The following CNBD1 variants were observed in gnomAD, a reference collection of about 807,000 sequenced individuals.
CNBD1 encodes the protein cyclic nucleotide binding domain containing 1, also known as cyclic nucleotide-binding domain-containing protein 1.
CNBD1 carries 71 observed loss-of-function variants against 54.4 expected under a neutral mutation model. The ratio of observed to expected loss-of-function variants is 1.30; its 90% CI spans 1.08 to 1.59. The LOEUF (loss-of-function observed/expected upper bound fraction) is 1.59, where lower values mean the gene tolerates loss of function less well. Among genes scored for constraint, CNBD1 ranks in the 40% most tolerant of loss-of-function variants. CNBD1 has a pLI of 0.00. For synonymous variants in CNBD1, 182 were observed against 170.7 expected (o/e 1.07, Z -0.51); for missense variants, 659 against 518.0 (o/e 1.27, Z -2.64).
At chr8:87,268,680 A>G (rs1808308575) in intron 6 of CNBD1, among the ~76,000 whole-genome samples, 1 of 152,146 alleles carries the variant, frequency 6.6e-6, no homozygotes, top group South Asian at 2.1e-4. Context: ...TTCTCTAATA[A>G]TTAGTAATGA....
chr8:86,966,195 A>G (rs76979709), intron 4 of CNBD1, among the ~76,000 whole-genome samples: 1,818 of 152,250 alleles, frequency 0.012, 30 homozygotes, highest in African/African-American at 0.042. Context: ...GTGGGGGTTC[A>G]CTGGGAACCT....
At chr8:87,263,643 C>T (rs1161623186) in intron 6 of CNBD1, among the ~76,000 whole-genome samples, 3 of 151,950 alleles carry the variant, frequency 2.0e-5, no homozygotes, top group Non-Finnish European at 4.4e-5. Flanking sequence ...AGAAAATAAA[C>T]CAAAAATTAT....
At chr8:87,421,277 AT>A (rs1169004084) in intron 2 of CNBD1, among the ~76,000 whole-genome samples, 25 of 148,672 alleles carry the variant, frequency 1.7e-4, no homozygotes, top group African/African-American at 5.5e-4. Flanking sequence ...TTATTTCTTT[AT>A]TTTTTTATAT....
intron 2 of CNBD1, among the ~76,000 whole-genome samples, chr8:87,401,819 T>C (rs898557286): frequency 1.1e-4 from 17 of 152,018 alleles, no homozygotes; most frequent in African/African-American, 4.1e-4. Context: ...CTTTTCCACA[T>C]TAAGGAACAC....
At chr8:87,124,041 C>A (rs1407771977) in intron 4 of CNBD1, among the ~76,000 whole-genome samples, 1 of 151,560 alleles carries the variant, frequency 6.6e-6, no homozygotes, top group Non-Finnish European at 1.5e-5. Context: ...CTGCTAAATT[C>A]ACTCACACAT....
At chr8:87,385,281 TG>T (rs1340017570), downstream of CNBD1, among the ~76,000 whole-genome samples, 1 of 152,042 alleles carries the variant, frequency 6.6e-6, no homozygotes, top group Non-Finnish European at 1.5e-5. Flanking sequence ...TGCAGGACAG[TG>T]GGTGCAGCGC....
intron 4 of CNBD1, among the ~76,000 whole-genome samples, chr8:87,106,717 C>G (rs1402726825): frequency 2.6e-5 from 4 of 152,116 alleles, no homozygotes; most frequent in Non-Finnish European, 4.4e-5. Flanking sequence ...CTATGTTTTC[C>G]CCAACCTCAC....
intron 4 of CNBD1, among the ~76,000 whole-genome samples, chr8:87,018,415 GGCAAA>G (rs2130572232): frequency 6.6e-6 from 1 of 152,092 alleles, no homozygotes. Flanking sequence ...TTGTTTCAAA[GGCAAA>G]GCATAACACT....
intron 3 of CNBD1, among the ~76,000 whole-genome samples, chr8:86,911,723 T>G (rs1448411885): frequency 6.6e-6 from 1 of 152,090 alleles, no homozygotes; most frequent in African/African-American, 2.4e-5. Context: ...ACCTTAAAGA[T>G]TCCATCAAAA....
intron 2 of CNBD1, among the ~76,000 whole-genome samples, chr8:86,894,688 C>T (rs918376503): frequency 1.3e-5 from 2 of 152,082 alleles, no homozygotes; most frequent in Non-Finnish European, 2.9e-5. Flanking sequence ...TCTCTTCTCC[C>T]TCCCTTCTCC....
At chr8:87,070,214 T>C (rs994013399) in intron 4 of CNBD1, among the ~76,000 whole-genome samples, 1 of 152,132 alleles carries the variant, frequency 6.6e-6, no homozygotes. Flanking sequence ...TCTGGCTGAA[T>C]TGTCATTCTG....
At chr8:86,965,108 A>G (rs1808036377) in intron 4 of CNBD1, among the ~76,000 whole-genome samples, 1 of 152,176 alleles carries the variant, frequency 6.6e-6, no homozygotes. Flanking sequence ...TTAACCTTAT[A>G]TTATATACTT....
chr8:87,400,261 T>C (rs894998377), intron 2 of CNBD1, among the ~76,000 whole-genome samples: 2 of 151,964 alleles, frequency 1.3e-5, no homozygotes, highest in Non-Finnish European at 2.9e-5. Context: ...TTAATGGCAA[T>C]TACTTTTGCA....
chr8:86,894,035 A>ATTTTTTTTTTTTTTTT lies in CNBD1; in HGVS notation c.158+6446_158+6461dup, dbSNP rs869060076. Among the ~76,000 whole-genome samples, 3 of 52,368 alleles carry ATTTTTTTTTTTTTTTT rather than the reference A, an allele frequency of 5.7e-5. 1 individual carries two copies. The highest frequency in any genetic ancestry group is 7.0e-4 in the Admixed American group (2 of 2,862). The allele number at this position is 52,368 out of a possible 152,430, so 34.4% of individuals were successfully genotyped here. A position where few individuals can be genotyped will look rare whatever the true frequency, so the allele number is the denominator to read the frequency against. On this transcript the variant is annotated intron_variant, in intron 2 of 10. Transcript: ENST00000518476. Reference sequence around the variant, plus strand: ...TTTATTCATATATTTTAATAGATTAATTTTTTTTTTTTTTTTTTTTTTTTT... The same window carrying ATTTTTTTTTTTTTTTT: ...TTTATTCATATATTTTAATAGATTAATTTTTTTTTTTTTTTTTTTTTTTTTTTTTTTTTTTTTTTTT...
chr8:87,303,426 C>A (rs1383661931), intron 8 of CNBD1, among the ~76,000 whole-genome samples: 4 of 151,692 alleles, frequency 2.6e-5, no homozygotes, highest in Non-Finnish European at 5.9e-5. Context: ...GGAAAACTGG[C>A]TAGCCATATG....
intron 1 of CNBD1, among the ~76,000 whole-genome samples, chr8:86,870,387 C>T (rs112928845): frequency 2.0e-4 from 30 of 151,522 alleles, no homozygotes; most frequent in African/African-American, 6.1e-4. Context: ...TTAGTAGAGA[C>T]GGGCTTTCAC....
Position 86,875,200 on chromosome 8 carries a change from A to G in CNBD1, c.88+8617A>G, listed in dbSNP as rs557982903. Among the ~76,000 whole-genome samples, 3 of 151,898 alleles carry G rather than the reference A, an allele frequency of 2.0e-5. No homozygotes were observed. In the South Asian group the frequency reaches 6.2e-4, roughly 32 times the overall value. On this transcript the variant is annotated intron_variant, in intron 1 of 10. Transcript: ENST00000518476. ...TCCTTGTTTGTAATCTATCTTCCAT[A>G]TTCACTGCCATCCATTCTGACATTT...
At chr8:87,072,284 A>T (rs149404402) in intron 4 of CNBD1, among the ~76,000 whole-genome samples, 1 of 152,188 alleles carries the variant, frequency 6.6e-6, no homozygotes, top group East Asian at 1.9e-4. Flanking sequence ...TGTGTCTTTT[A>T]ACCAGTTGTC....
chr8:87,169,510 A>T lies in CNBD1; in HGVS notation c.432-36483A>T, dbSNP rs1422678185. 2.0e-5 allele frequency among the ~76,000 whole-genome samples: 3 copies of T among 152,150 alleles called. No individual in the cohort carries two copies. The East Asian group carries it at 5.8e-4, about 29-fold the overall frequency. On this transcript the variant is annotated intron_variant, in intron 4 of 10. Transcript: ENST00000518476. The stretch of plus-strand genomic sequence containing the variant: ...CCTAACCTCCTCGAGATTTTCACCA[A>T]TGTTTTCTTGTAGTAGTTTCATAGC...
Sources: allele counts gnomAD v4.1 joint callset (sites outside exome capture counted in the v4.1 genomes callset), GRCh38; gene constraint gnomAD v4.1.1; transcripts MANE v1.5; gene names NCBI Gene and HGNC (gene_info 2026-07-23, HGNC 2026-07-21).